Variants in SIM1 observed in about 807,000 individuals in gnomAD.
SIM1 encodes SIM bHLH transcription factor 1.
SIM1 carries 18 observed loss-of-function variants against 78.2 expected under a neutral mutation model. That is an observed-to-expected ratio of 0.23 (90% CI 0.16 to 0.34). The LOEUF is 0.34. SIM1 is among the 10% of genes least tolerant of loss of function. The pLI is 1.00. For synonymous variants in SIM1, 417 were observed against 385.2 expected (o/e 1.08, Z -0.97); for missense variants, 939 against 975.1 (o/e 0.96, Z 0.49).
chr6:100,464,777 G>T lies in SIM1; in HGVS notation c.-631C>A, dbSNP rs1378973510. 1 of 152,366 alleles carries T rather than the reference G, an allele frequency of 6.6e-6. No individual in the cohort carries two copies. The highest frequency in any genetic ancestry group is 1.9e-4 in the East Asian group (1 of 5,192). The allele number at this position is 152,366 out of a possible 1,614,324, so 9.4% of individuals were successfully genotyped here. ...TTCTGGATCATGAATTGGAGGAGGG[G>T]TGCGTGGCAGAAAGAGGAGGATGCA... On this transcript the variant is annotated 5_prime_UTR_variant, in exon 1 of 12. Coordinates refer to ENST00000369208, the MANE Select transcript of SIM1 (RefSeq NM_005068.3).
Position 100,393,815 on chromosome 6 carries a change from C to T in SIM1, c.1242G>A (p.Thr414=), listed in dbSNP as rs760403107. 1.2e-6 allele frequency: 2 copies of T among 1,612,588 alleles called. No individual in the cohort carries two copies. Among genetic ancestry groups the T allele is most frequent in the Non-Finnish European group, 1.7e-6 (2 of 1,179,098 alleles). ...CGGGGTCCAGAAGCTGCGGAGAGGC[C>T]GTGTCGGTCAAGGGACTTCCGCCCC... ...SQWGGSPLTD[T]ASPQLLDPAD... Residue 414 remains threonine (T), a synonymous_variant, in exon 11 of 12, where the codon ACG becomes ACA. Transcript: ENST00000369208.
chr6:100,393,693 C>T lies in SIM1; in HGVS notation c.1364G>A (p.Arg455Lys), dbSNP rs751096228. The T allele has an allele frequency of 6.2e-7, 1 of 1,614,104 alleles. No individual in the cohort carries two copies. The highest frequency in any genetic ancestry group is 8.5e-7 in the Non-Finnish European group (1 of 1,179,946). Reference sequence around the variant, plus strand: ...ATGGAAATGCCTCTCTTCCACCAGCCTCGAGTGGTCAAGCGCAAAGCCATA... The same window carrying T: ...ATGGAAATGCCTCTCTTCCACCAGCTTCGAGTGGTCAAGCGCAAAGCCATA... ...LCYGFALDHS[R>K]LVEERHFHTQ... is the part of the protein sequence containing the mutation. Residue 455 changes from arginine (R) to lysine (K), a missense_variant, in exon 11 of 12, where the codon AGG (arginine) becomes AAG (lysine). By Grantham distance (26) the Arg-to-Lys change is conservative. This residue lies in a region of SIM1 where 556 missense variants were observed against 521.9 expected (regional missense o/e 1.07). Transcript: ENST00000369208.
intron 2 of SIM1, among the ~76,000 whole-genome samples, chr6:100,454,228 T>C (rs1490644443): frequency 3.9e-5 from 6 of 152,224 alleles, no homozygotes; most frequent in Non-Finnish European, 2.9e-5. Context: ...GTCATCCGTT[T>C]CCCGAGGCCG....
chr6:100,460,486 C>A (rs1772812574), intron 2 of SIM1, among the ~76,000 whole-genome samples: 1 of 152,108 alleles, frequency 6.6e-6, no homozygotes, highest in African/African-American at 2.4e-5. Flanking sequence ...AGATTATATA[C>A]CTTATAAAAT....
intron 9 of SIM1, among the ~76,000 whole-genome samples, chr6:100,442,103 T>A (rs1398775692): frequency 6.6e-6 from 1 of 152,168 alleles, no homozygotes; most frequent in Non-Finnish European, 1.5e-5. Context: ...TGCAGAGCCA[T>A]CAAAGAAGCA....
intron 9 of SIM1, among the ~76,000 whole-genome samples, chr6:100,440,473 G>A (rs1772180921): frequency 6.6e-6 from 1 of 152,182 alleles, no homozygotes; most frequent in Non-Finnish European, 1.5e-5. Flanking sequence ...CATTGTCAAT[G>A]CCCCACAAAG....
At chr6:100,449,198 A>G (rs1367053386) in intron 6 of SIM1, among the ~76,000 whole-genome samples, 165 bp downstream of exon 6, 1 of 152,194 alleles carries the variant, frequency 6.6e-6, no homozygotes, top group Non-Finnish European at 1.5e-5. Flanking sequence ...AGCTGTTCAC[A>G]AAGTTCCGTG....
intron 2 of SIM1, among the ~76,000 whole-genome samples, chr6:100,458,122 C>T (rs1243220968): frequency 2.0e-5 from 3 of 151,508 alleles, no homozygotes; most frequent in East Asian, 2.0e-4. Flanking sequence ...AGGGATAGAG[C>T]CTGCGGGCCA....
chr6:100,426,366 A>G (rs948330195), intron 9 of SIM1, among the ~76,000 whole-genome samples: 1 of 152,180 alleles, frequency 6.6e-6, no homozygotes, highest in East Asian at 1.9e-4. Context: ...ATTTGAAATA[A>G]CTCAAATTCC....
intron 10 of SIM1, among the ~76,000 whole-genome samples, chr6:100,407,679 G>A (rs1241511268): frequency 6.6e-6 from 1 of 151,986 alleles, no homozygotes; most frequent in Non-Finnish European, 1.5e-5. Context: ...GCTTTGATTT[G>A]CATTTCTCTG....
At chr6:100,451,405 G>A (rs776988066) in intron 3 of SIM1, among the ~76,000 whole-genome samples, 1 of 152,198 alleles carries the variant, frequency 6.6e-6, no homozygotes, top group Non-Finnish European at 1.5e-5. Context: ...GACTGCAGAG[G>A]AGCTAAACCT....
intron 9 of SIM1, among the ~76,000 whole-genome samples, chr6:100,433,736 C>CCACCCACA (rs1771966078): frequency 1.0e-5 from 1 of 99,122 alleles, no homozygotes. Flanking sequence ...ACCCACCCCC[C>CCACCCACA]CACCCACACA....
At chr6:100,456,579 A>G (rs1044823315) in intron 2 of SIM1, among the ~76,000 whole-genome samples, 2 of 152,266 alleles carry the variant, frequency 1.3e-5, no homozygotes, top group Non-Finnish European at 1.5e-5. Flanking sequence ...GATTTTCCTC[A>G]GCTAAAGTGG....
intron 9 of SIM1, among the ~76,000 whole-genome samples, chr6:100,446,815 T>G (rs888573464): frequency 3.3e-5 from 5 of 152,174 alleles, no homozygotes; most frequent in African/African-American, 4.8e-5. Context: ...GGGAAGCCAC[T>G]CTCTCAGAAC....
chr6:100,430,488 G>A (rs1771872731), intron 9 of SIM1, among the ~76,000 whole-genome samples: 1 of 151,774 alleles, frequency 6.6e-6, no homozygotes, highest in African/African-American at 2.4e-5. Context: ...CAAATATAAA[G>A]AAAAAGTAAT....
rs200133561 is a variant in SIM1, at chr6:100,390,427, C to T, written c.2235G>A (p.Leu745=). ...NGSHFDVTSH[L]RMQPDPAQGH... is the part of the protein sequence containing the mutation. ...CTTGTGCTGGGTCTGGTTGCATCCTCAGATGGGAAGTTACATCAAAGTGTG... is the reference window on the plus strand; with the variant it reads ...CTTGTGCTGGGTCTGGTTGCATCCTTAGATGGGAAGTTACATCAAAGTGTG... The change falls in exon 12 of 12, where the codon CTG becomes CTA. Residue 745 remains leucine, a synonymous_variant. Transcript: ENST00000369208. The T allele has an allele frequency of 1.1e-5, 18 of 1,614,146 alleles. No homozygotes were observed. The Admixed American group carries it at 2.0e-4, about 18-fold the overall frequency.
Position 100,393,720 on chromosome 6 carries a change from CAG to C in SIM1, c.1335_1336del (p.Cys446LeufsTer6). ...CGAGTGGTCAAGCGCAAAGCCATAGCAGAGAGAGCTGCGGTCCGAAAACTGTC... is the reference window on the plus strand; with the variant it reads ...CGAGTGGTCAAGCGCAAAGCCATAGCAGAGAGCTGCGGTCCGAAAACTGTC... On this transcript the variant is annotated frameshift_variant, in exon 11 of 12. Coordinates refer to ENST00000369208, the MANE Select transcript of SIM1 (RefSeq NM_005068.3). LOFTEE classifies it high-confidence loss of function. 6.2e-7 allele frequency: 1 copy of C among 1,614,230 alleles called. No homozygotes were observed. The highest frequency in any genetic ancestry group is 8.5e-7 in the Non-Finnish European group (1 of 1,180,028).
intron 10 of SIM1, among the ~76,000 whole-genome samples, chr6:100,415,241 A>G (rs1216717359): frequency 1.3e-5 from 2 of 152,262 alleles, no homozygotes; most frequent in Non-Finnish European, 2.9e-5. Flanking sequence ...ATAACATCCA[A>G]CTTGTGTTAA....
At chr6:100,441,601 T>C (rs1772218504) in intron 9 of SIM1, among the ~76,000 whole-genome samples, 1 of 152,234 alleles carries the variant, frequency 6.6e-6, no homozygotes, top group Non-Finnish European at 1.5e-5. Context: ...GTAATAGCAA[T>C]AATGTACTTC....
Sources: gnomAD v4.1 joint callset for allele counts (sites outside exome capture counted in the v4.1 genomes callset) on GRCh38, gnomAD v4.1.1 for gene constraint, gnomAD v4.1.1 regional missense constraint, MANE v1.5 for transcripts, NCBI Gene and HGNC (gene_info 2026-07-23, HGNC 2026-07-21) for gene names.